GFI1: variants seen among roughly 807,000 people sequenced by gnomAD.
GFI1 encodes zinc finger protein Gfi-1.
GFI1 carries 15 observed loss-of-function variants against 39.2 expected under a neutral mutation model. The observed-to-expected ratio is 0.38, with a 90% confidence interval of 0.26 to 0.59. The LOEUF is 0.59. GFI1 is among the 20% of genes least tolerant of loss of function. The pLI is 0.62. For synonymous variants in GFI1, 239 were observed against 254.3 expected (o/e 0.94, Z 0.57); for missense variants, 475 against 574.0 (o/e 0.83, Z 1.76).
chr1:92,478,394 A>T (rs184448271), intron 6 of GFI1, among the ~76,000 whole-genome samples, 194 bp downstream of exon 6: 11 of 152,232 alleles, frequency 7.2e-5, no homozygotes, highest in Non-Finnish European at 5.9e-5. Context: ...ACAACCCCAA[A>T]TCAAGGTGGC....
chr1:92,477,981 C>A (rs1242285953), intron 6 of GFI1, among the ~76,000 whole-genome samples: 1 of 152,166 alleles, frequency 6.6e-6, no homozygotes, highest in East Asian at 1.9e-4. Flanking sequence ...TGACCCTGGG[C>A]AGATTACCTA....
Position 92,480,624 on chromosome 1 carries a change from A to G in GFI1, c.763T>C (p.Tyr255His). 1 of 1,573,136 alleles carries G rather than the reference A, an allele frequency of 6.4e-7. No homozygotes were observed. The highest frequency in any genetic ancestry group is 8.6e-7 in the Non-Finnish European group (1 of 1,165,104). Residue 255 changes from tyrosine to histidine, a missense_variant, in exon 4 of 7, where the codon TAC becomes CAC. By Grantham distance (83) the Tyr-to-His change is moderately conservative. Transcript: ENST00000294702. The surrounding 1 kb of genome is among the most constrained non-coding windows in gnomAD (Gnocchi z 5.6). ...CTRLLLGGGS[Y>H]KCIKCSKVFS... ...ACCTTGCTGCACTTGATGCACTTGT[A>G]GGAGCCGCCGCCCAGCAGCAGGCGG...
chr1:92,473,840 G>C lies in GFI1; in HGVS notation c.*2189C>G, dbSNP rs1424050466. ...TTATTAATCTCCTACTGTGTGCCAG[G>C]CACTATTCTGGGAACTGAGGATTCA... is the stretch of plus-strand genomic sequence containing the variant. On this transcript the variant is annotated 3_prime_UTR_variant, in exon 7 of 7. Transcript: ENST00000294702. Among the ~76,000 whole-genome samples, 1 of 152,168 alleles carries C rather than the reference G, an allele frequency of 6.6e-6. No individual in the cohort carries two copies. Among genetic ancestry groups the C allele is most frequent in the Non-Finnish European group, 1.5e-5 (1 of 68,036 alleles).
chr1:92,482,428 C>G lies in GFI1; in HGVS notation c.298+436G>C, dbSNP rs1260049429. On this transcript the variant is annotated intron_variant, in intron 3 of 6. Coordinates refer to ENST00000294702, the MANE Select transcript of GFI1 (RefSeq NM_005263.5). This position sits in a 1 kb window ranked among gnomAD's most constrained non-coding sequence, Gnocchi z 4.4. Reference sequence around the variant, plus strand: ...GCGGGCTGAGATTTTCGTCCTGCCCCCTCCCTGCCGCCCAGCGCCTAGCTC... The same window carrying G: ...GCGGGCTGAGATTTTCGTCCTGCCCGCTCCCTGCCGCCCAGCGCCTAGCTC... Among the ~76,000 whole-genome samples the G allele has an allele frequency of 1.3e-5, 2 of 151,760 alleles. No homozygotes were observed. The highest frequency in any genetic ancestry group is 2.9e-5 in the Non-Finnish European group (2 of 67,862).
chr1:92,483,287 C>A lies in GFI1; in HGVS notation c.115+86G>T, dbSNP rs1291208213. ...AGCAGCAAAAGGGACGTTGGGGCAGCCCCTCCCAGCTCCGGACTAATGGTG... is the reference window on the plus strand; with the variant it reads ...AGCAGCAAAAGGGACGTTGGGGCAGACCCTCCCAGCTCCGGACTAATGGTG... On this transcript the variant is annotated intron_variant, in intron 2 of 6. Coordinates refer to ENST00000294702, the MANE Select transcript of GFI1 (RefSeq NM_005263.5). 7.3e-6 allele frequency: 6 copies of A among 816,408 alleles called. No homozygotes were observed. In the Middle Eastern group the frequency reaches 9.7e-4, roughly 132 times the overall value. 50.6% of individuals were successfully genotyped at this position (816,408 alleles called of 1,614,324 possible). A position where few individuals can be genotyped will look rare whatever the true frequency, so the allele number is the denominator to read the frequency against.
In GFI1 at chr1:92,474,924, A is replaced by T. The variant is rs1454933200; in HGVS notation, c.*1105T>A. The T allele has an allele frequency of 2.0e-5, 3 of 152,402 alleles. No individual in the cohort carries two copies. The highest frequency in any genetic ancestry group is 4.4e-5 in the Non-Finnish European group (3 of 68,036). 9.4% of individuals were successfully genotyped at this position (152,402 alleles called of 1,614,324 possible). A position where few individuals can be genotyped will look rare whatever the true frequency, so the allele number is the denominator to read the frequency against. ...CACATGGAGGGTCAAAGAGTTGAAG[A>T]CAGAGCCTTCCTTCCCACATGCCTG... On this transcript the variant is annotated 3_prime_UTR_variant, in exon 7 of 7. Transcript: ENST00000294702.
intron 6 of GFI1, among the ~76,000 whole-genome samples, chr1:92,476,440 C>T (rs538607215): frequency 6.6e-6 from 1 of 152,276 alleles, no homozygotes; most frequent in African/African-American, 2.4e-5. Context: ...GGGGGGTTCC[C>T]AGCCAAAGGC....
chr1:92,486,214 G>A (rs1409906871), intron 1 of GFI1: 1 of 152,454 alleles, frequency 6.6e-6, no homozygotes, highest in Non-Finnish European at 1.5e-5. Flanking sequence ...AACCCCCGTC[G>A]GGCGGCCGGG....
At position 92,482,767 on chromosome 1, in the gene GFI1, C is replaced by T. The variant is rs572170195; in HGVS notation, c.298+97G>A. On this transcript the variant is annotated intron_variant, in intron 3 of 6. Transcript: ENST00000294702. The surrounding 1 kb of genome is among the most constrained non-coding windows in gnomAD (Gnocchi z 4.4). ...TTCTCCCGGAAAGACTCTCCAACTC[C>T]CCGTTAGCATTTCTACGCCCAAGGT... 1.1e-5 allele frequency: 10 copies of T among 939,634 alleles called. No homozygotes were observed. The highest frequency in any genetic ancestry group is 9.4e-5 in the South Asian group (7 of 74,330). The allele number at this position is 939,634 out of a possible 1,614,324, so 58.2% of individuals were successfully genotyped here.
intron 2 of GFI1, 103 bp from the exon 3 acceptor site, chr1:92,483,149 C>T (rs572000356): frequency 9.0e-7 from 1 of 1,105,562 alleles, no homozygotes; most frequent in Non-Finnish European, 1.3e-6. Flanking sequence ...AGCGTCTTCC[C>T]CTCTCCACCC....
At position 92,476,762 on chromosome 1, in the gene GFI1, TTCTC is replaced by T. The variant is rs141823158; in HGVS notation, c.1091-559_1091-556del. 5.5e-3 allele frequency among the ~76,000 whole-genome samples: 829 copies of T among 151,354 alleles called. 14 individuals carry two copies. Among genetic ancestry groups the T allele is most frequent in the Middle Eastern group, 0.024 (7 of 290 alleles). On this transcript the variant is annotated intron_variant, in intron 6 of 6. Transcript: ENST00000294702. ...ACATGGACTTTCTTTCTTTCTTTAT[TTCTC>T]TCTCTCTCTCTCTTTCTTTCTAAGT...
intron 1 of GFI1, among the ~76,000 whole-genome samples, 185 bp downstream of exon 1, chr1:92,486,541 C>T (rs1306789140): frequency 6.8e-6 from 1 of 147,698 alleles, no homozygotes. Flanking sequence ...CACCCCCGAC[C>T]CCGCCGCCTC....
At chr1:92,483,638 G>C in intron 1 of GFI1, 52 bp from the exon 2 acceptor site, 1 of 684,722 alleles carries the variant, frequency 1.5e-6, no homozygotes, top group Non-Finnish European at 2.7e-6. Context: ...TCTCCGGTGC[G>C]GCGGACTGGG....
Position 92,481,935 on chromosome 1 carries a change from ATGTGTGTGTG to A in GFI1, c.299-857_299-848del, listed in dbSNP as rs201597512. 3.0e-5 allele frequency among the ~76,000 whole-genome samples: 2 copies of A among 65,826 alleles called. No individual in the cohort carries two copies. The highest frequency in any genetic ancestry group is 1.2e-4 in the African/African-American group (2 of 16,392). The allele number at this position is 65,826 out of a possible 152,430, so 43.2% of individuals were successfully genotyped here. A position where few individuals can be genotyped will look rare whatever the true frequency, so the allele number is the denominator to read the frequency against. ...ATGTGAGTGCATACGGCATTTACAA[ATGTGTGTGTG>A]TGTGTGTGCGCACAACACTCCAGTT... On this transcript the variant is annotated intron_variant, in intron 3 of 6. Coordinates refer to ENST00000294702, the MANE Select transcript of GFI1 (RefSeq NM_005263.5). The surrounding 1 kb of genome is among the most constrained non-coding windows in gnomAD (Gnocchi z 4.3).
chr1:92,485,632 G>A (rs1483188842), intron 1 of GFI1, among the ~76,000 whole-genome samples: 1 of 152,176 alleles, frequency 6.6e-6, no homozygotes, highest in Non-Finnish European at 1.5e-5. Context: ...TGGCGCGGGA[G>A]GTGGGGCGGC....
At chr1:92,478,505 A>C in intron 6 of GFI1, 83 bp downstream of exon 6, 1 of 1,194,356 alleles carries the variant, frequency 8.4e-7, no homozygotes, top group Non-Finnish European at 1.3e-6. Context: ...CTCATCCACC[A>C]CTCACTGGGG....
intron 6 of GFI1, 64 bp from the exon 7 acceptor site, chr1:92,476,271 T>A: frequency 6.9e-7 from 1 of 1,449,504 alleles, no homozygotes. Flanking sequence ...GGGGACCCAC[T>A]GTGACCCACA....
intron 1 of GFI1, 59 bp from the exon 2 acceptor site, chr1:92,483,645 T>G: frequency 1.5e-6 from 1 of 680,562 alleles, no homozygotes; most frequent in Non-Finnish European, 2.7e-6. Context: ...TGCGGCGGAC[T>G]GGGCACCCAG....
chr1:92,476,257 T>G, intron 6 of GFI1, 50 bp from the exon 7 acceptor site: 1 of 1,534,186 alleles, frequency 6.5e-7, no homozygotes, highest in Admixed American at 1.9e-5. Flanking sequence ...ATGATAAAGC[T>G]AGAGGGGACC....
Sources: gnomAD v4.1 joint callset for allele counts (sites outside exome capture counted in the v4.1 genomes callset) on GRCh38, gnomAD v4.1.1 for gene constraint, Gnocchi (gnomAD v3.1) non-coding constraint, MANE v1.5 for transcripts, NCBI Gene and HGNC (gene_info 2026-07-23, HGNC 2026-07-21) for gene names.